The following DTD1 variants were observed in gnomAD, a reference collection of about 807,000 sequenced individuals.
DTD1 encodes the protein D-tyrosyl-tRNA deacylase 1 homolog.
A neutral mutation model predicts 25.6 loss-of-function variants in DTD1; 13 were observed. That is an observed-to-expected ratio of 0.51 (90% CI 0.33 to 0.81). The LOEUF (loss-of-function observed/expected upper bound fraction) is 0.81, where lower values mean the gene tolerates loss of function less well. Among genes scored for constraint, DTD1 ranks in the 30% least tolerant of loss-of-function variants. DTD1 has a pLI of 0.02. For synonymous variants in DTD1, 110 were observed against 103.6 expected (o/e 1.06, Z -0.37); for missense variants, 193 against 266.4 (o/e 0.72, Z 1.92).
intron 4 of DTD1, among the ~76,000 whole-genome samples, chr20:18,709,247 G>A (rs62217021): frequency 0.33 from 49,520 of 151,938 alleles, 8,455 homozygotes; most frequent in Non-Finnish European, 0.38. Context: ...CAAAGCCCAG[G>A]GTTTTATATT....
chr20:18,664,415 G>A (rs538859424), intron 4 of DTD1, among the ~76,000 whole-genome samples: 1 of 152,318 alleles, frequency 6.6e-6, no homozygotes, highest in East Asian at 1.9e-4. Flanking sequence ...GGGACCGACT[G>A]CCTTCATGCC....
intron 4 of DTD1, among the ~76,000 whole-genome samples, chr20:18,718,743 G>T (rs2061191377): frequency 6.6e-6 from 1 of 152,182 alleles, no homozygotes; most frequent in Non-Finnish European, 1.5e-5. Flanking sequence ...CTTAAAAAGA[G>T]ATTGGCTTGT....
At chr20:18,734,437 A>T (rs1399242228) in intron 4 of DTD1, among the ~76,000 whole-genome samples, 1 of 152,196 alleles carries the variant, frequency 6.6e-6, no homozygotes, top group Non-Finnish European at 1.5e-5. Flanking sequence ...CATTCTCATG[A>T]TAATCCATTC....
At chr20:18,601,200 G>A (rs2060632735) in intron 3 of DTD1, among the ~76,000 whole-genome samples, 2 of 152,064 alleles carry the variant, frequency 1.3e-5, no homozygotes, top group South Asian at 4.2e-4. Flanking sequence ...TGTTTATCAA[G>A]TTGAAGATGT....
chr20:18,630,610 C>T (rs2060782927), intron 4 of DTD1: 1 of 152,352 alleles, frequency 6.6e-6, no homozygotes, highest in East Asian at 1.9e-4. Flanking sequence ...GATCCACCCG[C>T]CTCGGCCTCC....
intron 4 of DTD1, among the ~76,000 whole-genome samples, chr20:18,649,199 C>G (rs575110203): frequency 6.6e-6 from 1 of 151,728 alleles, no homozygotes; most frequent in African/African-American, 2.4e-5. Flanking sequence ...GAGGGACTGT[C>G]AGGTCGGGGA....
intron 4 of DTD1, among the ~76,000 whole-genome samples, chr20:18,644,105 C>T (rs2122342228): frequency 6.6e-6 from 1 of 152,186 alleles, no homozygotes; most frequent in Non-Finnish European, 1.5e-5. Flanking sequence ...ATTTTTTGCT[C>T]TTACTAATGA....
In DTD1 at chr20:18,708,293, A is replaced by C. The variant is rs1355038874; in HGVS notation, c.478-35807A>C. ...TATATATATAATATATATTATATATATATAATATATATATTTTATATATAT... is the reference window on the plus strand; with the variant it reads ...TATATATATAATATATATTATATATCTATAATATATATATTTTATATATAT... On this transcript the variant is annotated intron_variant, in intron 4 of 5. Coordinates refer to ENST00000377452, the MANE Select transcript of DTD1 (RefSeq NM_080820.6). 4.4e-4 allele frequency among the ~76,000 whole-genome samples: 26 copies of C among 59,180 alleles called. 1 individual carries two copies. Among genetic ancestry groups the C allele is most frequent in the African/African-American group, 1.5e-3 (22 of 14,646 alleles). The allele number at this position is 59,180 out of a possible 152,430, so 38.8% of individuals were successfully genotyped here. A position where few individuals can be genotyped will look rare whatever the true frequency, so the allele number is the denominator to read the frequency against.
intron 4 of DTD1, among the ~76,000 whole-genome samples, chr20:18,658,822 G>A (rs944782576): frequency 1.3e-5 from 2 of 152,218 alleles, no homozygotes; most frequent in African/African-American, 2.4e-5. Flanking sequence ...ACCCACTTAT[G>A]TAGGGGTGGG....
intron 3 of DTD1, among the ~76,000 whole-genome samples, chr20:18,613,209 A>G (rs2060694843): frequency 6.6e-6 from 1 of 152,176 alleles, no homozygotes. Flanking sequence ...TCAATAAGAC[A>G]CTTTATCTGT....
chr20:18,728,364 C>T (rs891709307), intron 4 of DTD1, among the ~76,000 whole-genome samples: 3 of 152,212 alleles, frequency 2.0e-5, no homozygotes, highest in African/African-American at 4.8e-5. Flanking sequence ...TGATTGAAAA[C>T]CGTGCTCCCT....
At chr20:18,617,032 C>A (rs1292886920) in intron 3 of DTD1, among the ~76,000 whole-genome samples, 1 of 152,164 alleles carries the variant, frequency 6.6e-6, no homozygotes, top group Non-Finnish European at 1.5e-5. Context: ...TCTCCTTCCT[C>A]ACTTTTATCT....
At chr20:18,699,700 GGAGGT>G (rs1372881672) in intron 4 of DTD1, among the ~76,000 whole-genome samples, 7 of 152,160 alleles carry the variant, frequency 4.6e-5, no homozygotes, top group African/African-American at 1.4e-4. Flanking sequence ...AAGAGGCTGA[GGAGGT>G]GAGCATTTGG....
chr20:18,693,430 G>A lies in DTD1; in HGVS notation c.478-50670G>A, dbSNP rs146437805. On this transcript the variant is annotated intron_variant, in intron 4 of 5. Coordinates refer to ENST00000377452, the MANE Select transcript of DTD1 (RefSeq NM_080820.6). ...CCAGCACTTTGGGAGGCTGAGGCGG[G>A]TAGATCACCTGAGGTCAGGAATTCG... 4.7e-4 allele frequency among the ~76,000 whole-genome samples: 71 copies of A among 152,088 alleles called. 1 individual carries two copies. The East Asian group carries it at 8.1e-3, about 17-fold the overall frequency.
chr20:18,616,179 A>C (rs1325078591), intron 3 of DTD1, among the ~76,000 whole-genome samples: 1 of 152,224 alleles, frequency 6.6e-6, no homozygotes, highest in African/African-American at 2.4e-5. Flanking sequence ...AAAGTTTGAC[A>C]CAGATGTCCA....
At position 18,700,506 on chromosome 20, in the gene DTD1, T is replaced by A. The variant is rs925942804; in HGVS notation, c.478-43594T>A. On this transcript the variant is annotated intron_variant, in intron 4 of 5. Coordinates refer to ENST00000377452, the MANE Select transcript of DTD1 (RefSeq NM_080820.6). ...AATAGTGGTGACCTTTTTTTTTTTT[T>A]AATTTTTGATTTTTAAAATTTCAAT... Among the ~76,000 whole-genome samples the A allele has an allele frequency of 2.6e-5, 4 of 151,926 alleles. No individual in the cohort carries two copies. The East Asian group carries it at 5.8e-4, about 22-fold the overall frequency.
At chr20:18,596,987 A>G (rs1848516881) in intron 3 of DTD1, among the ~76,000 whole-genome samples, 1 of 152,284 alleles carries the variant, frequency 6.6e-6, no homozygotes, top group South Asian at 2.1e-4. Context: ...TCACTCTAAT[A>G]TTCTCTGGGT....
intron 4 of DTD1, among the ~76,000 whole-genome samples, chr20:18,693,427 C>T (rs771397660): frequency 1.4e-4 from 21 of 151,970 alleles, no homozygotes; most frequent in African/African-American, 4.8e-4. Flanking sequence ...GAGGCTGAGG[C>T]GGGTAGATCA....
intron 3 of DTD1, among the ~76,000 whole-genome samples, chr20:18,607,485 T>C (rs1479448347): frequency 6.6e-6 from 1 of 151,994 alleles, no homozygotes; most frequent in Non-Finnish European, 1.5e-5. Context: ...CTGGTTTCGG[T>C]ATTAGGGTAG....
Sources: allele counts gnomAD v4.1 joint callset (sites outside exome capture counted in the v4.1 genomes callset), GRCh38; gene constraint gnomAD v4.1.1; transcripts MANE v1.5; gene names NCBI Gene and HGNC (gene_info 2026-07-23, HGNC 2026-07-21).